The following CACNA1A variants were observed in gnomAD, a reference collection of about 807,000 sequenced individuals.
CACNA1A encodes the protein calcium voltage-gated channel subunit alpha1 A.
A neutral mutation model predicts 262.4 loss-of-function variants in CACNA1A; 57 were observed. That is an observed-to-expected ratio of 0.22 (90% CI 0.18 to 0.27). The LOEUF (loss-of-function observed/expected upper bound fraction) is 0.27. Among genes scored for constraint, CACNA1A ranks in the 10% least tolerant of loss-of-function variants. The probability of loss-of-function intolerance (pLI) is 1.00; values close to 1 mark genes in which losing one functional copy is unlikely to be tolerated. For missense variants in CACNA1A, 2,526 were observed against 3,562.8 expected (o/e 0.71, Z 7.41); for synonymous variants, 1,431 against 1,419.3 (o/e 1.01, Z -0.18).
chr19:13,332,784 A>G (rs2058488635), intron 9 of CACNA1A, 85 bp downstream of exon 9: 2 of 818,340 alleles, frequency 2.4e-6, no homozygotes, highest in African/African-American at 3.3e-5. Context: ...CCTTAGAACC[A>G]GTCACCTGCT....
At chr19:13,215,621 GTTT>G (rs34070721) in intron 38 of CACNA1A, among the ~76,000 whole-genome samples, 7 of 135,026 alleles carry the variant, frequency 5.2e-5, no homozygotes, top group Admixed American at 7.6e-5. Context: ...CGTCTGGCCT[GTTT>G]TTTTTTTTTT....
chr19:13,323,240 C>CA (rs1281590473), intron 10 of CACNA1A, among the ~76,000 whole-genome samples: 2 of 152,062 alleles, frequency 1.3e-5, no homozygotes, highest in Admixed American at 6.6e-5. Context: ...GCTTGGGTGA[C>CA]AGAGTGAGAC....
At chr19:13,391,442 G>C (rs1310173736) in intron 3 of CACNA1A, among the ~76,000 whole-genome samples, 1 of 152,088 alleles carries the variant, frequency 6.6e-6, no homozygotes, top group African/African-American at 2.4e-5. Context: ...TGAACAAAAG[G>C]ACATGTTTCT....
chr19:13,212,650 G>T lies in CACNA1A; in HGVS notation c.6031C>A (p.Leu2011Met). The T allele has an allele frequency of 6.6e-7, 1 of 1,518,924 alleles. No homozygotes were observed. Among genetic ancestry groups the T allele is most frequent in the South Asian group, 1.3e-5 (1 of 75,854 alleles). 94.1% of individuals were successfully genotyped at this position (1,518,924 alleles called of 1,614,324 possible). Residue 2011 changes from leucine (L) to methionine (M), a missense_variant, in exon 41 of 47, where the codon CTG (leucine) becomes ATG (methionine). By Grantham distance (15) the Leu-to-Met change is conservative. Around this residue, in one of 17 missense-constraint regions of CACNA1A, gnomAD observed 929 missense variants for 868.1 expected, o/e 1.07. Coordinates refer to ENST00000360228, the MANE Select transcript of CACNA1A (RefSeq NM_001127222.2). This position sits in a 1 kb window ranked among gnomAD's most constrained non-coding sequence, Gnocchi z 5.6. ...ACTCACAGGGCTCCTCCTGGGTCCA[G>T]CTGGGTGGAGGGGAGGGCGTTCTGG... ...PGQNALPSTQ[L>M]DPGGALMAHE...
rs940504500 is a variant in CACNA1A, at chr19:13,212,305, G to T, written c.6189+79C>A. The T allele has an allele frequency of 1.3e-5, 20 of 1,566,296 alleles. No homozygotes were observed. The highest frequency in any genetic ancestry group is 1.7e-5 in the Non-Finnish European group (19 of 1,139,768). ...CAGAGGGAGGGAGCTGCAGGTGTGT[G>T]TGTGTGGGGGGCCCAGATCCCTTCC... On this transcript the variant is annotated intron_variant, in intron 42 of 46. Transcript: ENST00000360228. This position sits in a 1 kb window ranked among gnomAD's most constrained non-coding sequence, Gnocchi z 5.6.
chr19:13,232,791 G>A (rs1394146597), intron 34 of CACNA1A, among the ~76,000 whole-genome samples: 2 of 150,084 alleles, frequency 1.3e-5, no homozygotes, highest in Non-Finnish European at 3.0e-5. Context: ...GCTCATGCCT[G>A]TAATCCCAGC....
At chr19:13,309,690 C>T (rs930346734) in intron 12 of CACNA1A, among the ~76,000 whole-genome samples, 2 of 151,822 alleles carry the variant, frequency 1.3e-5, no homozygotes. Flanking sequence ...AAGACCCTAT[C>T]TCAAATAAAA....
chr19:13,421,657 C>T (rs1011015583), intron 3 of CACNA1A, among the ~76,000 whole-genome samples: 2 of 152,084 alleles, frequency 1.3e-5, no homozygotes, highest in Non-Finnish European at 1.5e-5. Context: ...ACTCTTTTCA[C>T]CATGGAAAGA....
At position 13,266,645 on chromosome 19, in the gene CACNA1A, C is replaced by A. The variant is rs187404046; in HGVS notation, c.3990-3812G>T. On this transcript the variant is annotated intron_variant, in intron 24 of 46. Transcript: ENST00000360228. ...GTGGAGTGCAGTGGTGCAATCTCAG[C>A]TCACTGCAACCTCCACCTCCCAGGT... Among the ~76,000 whole-genome samples, 3 of 152,292 alleles carry A rather than the reference C, an allele frequency of 2.0e-5. No individual in the cohort carries two copies. The East Asian group carries it at 5.8e-4, about 29-fold the overall frequency.
intron 1 of CACNA1A, among the ~76,000 whole-genome samples, chr19:13,459,925 C>A (rs1004651899): frequency 1.3e-5 from 2 of 152,180 alleles, no homozygotes; most frequent in Non-Finnish European, 2.9e-5. Context: ...AGACCCAGGG[C>A]TCTCTGGGTA....
chr19:13,360,650 G>A (rs1180514061), intron 5 of CACNA1A, among the ~76,000 whole-genome samples: 1 of 151,878 alleles, frequency 6.6e-6, no homozygotes, highest in African/African-American at 2.4e-5. Flanking sequence ...GATAATCTTT[G>A]TATTTTTAGT....
In CACNA1A at chr19:13,303,538, G is replaced by A. The variant is rs200277127; in HGVS notation, c.2172+8C>T. On this transcript the variant is annotated splice_region_variant and intron_variant, in intron 17 of 46. Coordinates refer to ENST00000360228, the MANE Select transcript of CACNA1A (RefSeq NM_001127222.2). Reference sequence around the variant, plus strand: ...TTTGCCAGAGAAACATTCTCCCACCGCCTCCACCTTGGTGAGCTCCTGGGC... The same window carrying A: ...TTTGCCAGAGAAACATTCTCCCACCACCTCCACCTTGGTGAGCTCCTGGGC... 19 of 1,555,394 alleles carry A rather than the reference G, an allele frequency of 1.2e-5. No individual in the cohort carries two copies. Among genetic ancestry groups the A allele is most frequent in the East Asian group, 2.4e-5 (1 of 41,664 alleles).
At chr19:13,464,790 T>G (rs551862590) in intron 1 of CACNA1A, among the ~76,000 whole-genome samples, 1 of 151,964 alleles carries the variant, frequency 6.6e-6, no homozygotes, top group Non-Finnish European at 1.5e-5. Flanking sequence ...CCTTGTGATC[T>G]GCCCACCTTG....
chr19:13,495,890 C>T (rs929510764), intron 1 of CACNA1A, among the ~76,000 whole-genome samples: 5 of 152,074 alleles, frequency 3.3e-5, no homozygotes, highest in Non-Finnish European at 7.4e-5. Flanking sequence ...TCCAGTCATC[C>T]ATCCAGTCAT....
At chr19:13,330,890 C>T (rs577793524) in intron 9 of CACNA1A, among the ~76,000 whole-genome samples, 1 of 152,244 alleles carries the variant, frequency 6.6e-6, no homozygotes, top group South Asian at 2.1e-4. Context: ...CACTCAGCCT[C>T]TATTTTTAAA....
At chr19:13,362,588 C>T (rs939663075) in intron 5 of CACNA1A, 2 of 152,224 alleles carry the variant, frequency 1.3e-5, no homozygotes, top group African/African-American at 4.8e-5. Flanking sequence ...AGGGATACTC[C>T]CACCTCAGCC....
Position 13,227,569 on chromosome 19 carries a change from A to C in CACNA1A, c.5529-42T>G, listed in dbSNP as rs577517789. On this transcript the variant is annotated intron_variant, in intron 36 of 46. Coordinates refer to ENST00000360228, the MANE Select transcript of CACNA1A (RefSeq NM_001127222.2). ...TGAAAAAAACAAAAACAAAAACAAA[A>C]AAACAAAACGGGAATGGGAACAGAG... is the stretch of plus-strand genomic sequence containing the variant. 213 of 1,244,442 alleles carry C rather than the reference A, an allele frequency of 1.7e-4. 1 individual carries two copies. The highest frequency in any genetic ancestry group is 4.0e-4 in the Middle Eastern group (2 of 5,044). The allele number at this position is 1,244,442 out of a possible 1,614,324, so 77.1% of individuals were successfully genotyped here.
chr19:13,462,932 A>T lies in CACNA1A; in HGVS notation c.294-7720T>A, dbSNP rs189539482. Reference sequence around the variant, plus strand: ...ATGCCAACACACCTGGCTAACTTTTAACATTTTTGTAGAGATGAGGGTCTC... The same window carrying T: ...ATGCCAACACACCTGGCTAACTTTTTACATTTTTGTAGAGATGAGGGTCTC... On this transcript the variant is annotated intron_variant, in intron 1 of 46. Transcript: ENST00000360228. 1.1e-3 allele frequency among the ~76,000 whole-genome samples: 171 copies of T among 152,042 alleles called. 1 individual carries two copies. The highest frequency in any genetic ancestry group is 3.5e-4 in the Non-Finnish European group (24 of 67,970).
chr19:13,339,513 A>C (rs187101624), intron 6 of CACNA1A, among the ~76,000 whole-genome samples: 4 of 152,292 alleles, frequency 2.6e-5, no homozygotes, highest in Non-Finnish European at 1.5e-5. Context: ...ATCCTTAAAA[A>C]TGGTTAGGAT....
Sources: allele counts gnomAD v4.1 joint callset (sites outside exome capture counted in the v4.1 genomes callset), GRCh38; gene constraint gnomAD v4.1.1; regional missense constraint gnomAD v4.1.1; non-coding constraint Gnocchi (gnomAD v3.1); transcripts MANE v1.5; gene names NCBI Gene and HGNC (gene_info 2026-07-23, HGNC 2026-07-21).